The following RP1 variants were observed in gnomAD, a reference collection of about 807,000 sequenced individuals.
RP1 encodes the protein RP1 axonemal microtubule associated.
A neutral mutation model predicts 14.8 loss-of-function variants in RP1; 16 were observed. That is an observed-to-expected ratio of 1.08 (90% CI 0.73 to 1.65). RP1 has a LOEUF of 1.65. RP1 is among the 40% of genes most tolerant of loss of function. The pLI is 0.00. For synonymous variants in RP1, 876 were observed against 883.6 expected (o/e 0.99, Z 0.15); for missense variants, 2,631 against 2,535.0 (o/e 1.04, Z -0.81).
intron 1 of RP1, among the ~76,000 whole-genome samples, chr8:54,567,031 GC>G (rs1434846027): frequency 3.9e-5 from 6 of 152,156 alleles, no homozygotes; most frequent in African/African-American, 1.4e-4. Context: ...CAATTCACTT[GC>G]AAGTCCTGGC....
intron 22 of RP1, among the ~76,000 whole-genome samples, chr8:54,760,748 G>A (rs111521196): frequency 3.3e-5 from 5 of 152,148 alleles, no homozygotes; most frequent in African/African-American, 9.6e-5. Context: ...TTTGTCCCTC[G>A]GAGTGCTAGT....
intron 1 of RP1, among the ~76,000 whole-genome samples, chr8:54,559,772 G>A (rs1239757975): frequency 1.3e-5 from 2 of 152,270 alleles, no homozygotes; most frequent in East Asian, 3.9e-4. Context: ...AGGACTGGCT[G>A]GAGGCACAAA....
At chr8:54,692,214 C>T (rs1269866526) in intron 12 of RP1, among the ~76,000 whole-genome samples, 2 of 151,072 alleles carry the variant, frequency 1.3e-5, no homozygotes, top group South Asian at 2.1e-4. Context: ...TCCAGTCTAT[C>T]GTTGTTGGAC....
chr8:54,566,144 T>C (rs919261933), intron 1 of RP1, among the ~76,000 whole-genome samples: 1 of 152,188 alleles, frequency 6.6e-6, no homozygotes, highest in Non-Finnish European at 1.5e-5. Context: ...TTTTCAAATA[T>C]GGTCACATTC....
chr8:54,762,713 C>T (rs961485332), intron 22 of RP1, among the ~76,000 whole-genome samples: 7 of 152,142 alleles, frequency 4.6e-5, no homozygotes, highest in South Asian at 2.1e-4. Context: ...TGAAATATAT[C>T]CTTTTGCAGC....
chr8:54,624,754 A>G lies in RP1; in HGVS notation c.872A>G (p.Asp291Gly). The stretch of plus-strand genomic sequence containing the variant: ...ACACATAATAATGATTGCTACTTAG[A>G]CTATTCTTTTGTTCCTGAAAAGTAC... ...EKTHNNDCYL[D>G]YSFVPEKYLA... Residue 291 changes from aspartate to glycine, a missense_variant, in exon 4 of 4, where the codon GAC (aspartate) becomes GGC (glycine). Physicochemically the swap from Asp to Gly is moderately conservative, Grantham distance 94. Coordinates refer to ENST00000220676, the MANE Select transcript of RP1 (RefSeq NM_006269.2). 1 of 1,613,902 alleles carries G rather than the reference A, an allele frequency of 6.2e-7. No individual in the cohort carries two copies. Among genetic ancestry groups the G allele is most frequent in the Admixed American group, 1.7e-5 (1 of 60,016 alleles).
chr8:54,635,650 G>A (rs1344532210), downstream of RP1, among the ~76,000 whole-genome samples: 1 of 151,930 alleles, frequency 6.6e-6, no homozygotes, highest in Non-Finnish European at 1.5e-5. Context: ...GTCACCTTTG[G>A]CTTAGTTAAA....
At chr8:54,771,384 G>T (rs931482134), downstream of RP1, among the ~76,000 whole-genome samples, 1 of 151,978 alleles carries the variant, frequency 6.6e-6, no homozygotes, top group Non-Finnish European at 1.5e-5. Context: ...TTAAAATGAA[G>T]GTTATAATTA....
chr8:54,742,456 C>T (rs1437784318), intron 19 of RP1, among the ~76,000 whole-genome samples: 1 of 152,098 alleles, frequency 6.6e-6, no homozygotes, highest in Admixed American at 6.6e-5. Context: ...TTTCTTAGGA[C>T]ATGCCTATAT....
intron 24 of RP1, among the ~76,000 whole-genome samples, chr8:54,807,226 A>G (rs1483451315): frequency 1.3e-5 from 2 of 152,226 alleles, no homozygotes; most frequent in African/African-American, 2.4e-5. Context: ...GCCTTTCATT[A>G]TATATTGTTT....
At chr8:54,682,381 T>G (rs1252085452) in intron 12 of RP1, among the ~76,000 whole-genome samples, 2 of 152,108 alleles carry the variant, frequency 1.3e-5, no homozygotes, top group Admixed American at 6.6e-5. Flanking sequence ...TGTAAATTAG[T>G]TCAACCATTG....
At chr8:54,812,194 G>T (rs575986975) in intron 24 of RP1, among the ~76,000 whole-genome samples, 10 of 152,322 alleles carry the variant, frequency 6.6e-5, no homozygotes, top group African/African-American at 2.4e-4. Context: ...AGGCTGGAGT[G>T]CAGTGGTGTG....
chr8:54,579,652 T>C (rs976194461), intron 1 of RP1, among the ~76,000 whole-genome samples: 3 of 152,226 alleles, frequency 2.0e-5, no homozygotes, highest in Non-Finnish European at 4.4e-5. Context: ...TCCAGCATCT[T>C]TGAAACCACC....
At chr8:54,802,203 A>G (rs1217158156) in intron 24 of RP1, among the ~76,000 whole-genome samples, 2 of 152,212 alleles carry the variant, frequency 1.3e-5, no homozygotes, top group Non-Finnish European at 2.9e-5. Flanking sequence ...ACTTAGAGAC[A>G]TATTTAAGAA....
chr8:54,663,677 G>T (rs1563341215), intron 6 of RP1: 18 of 1,505,736 alleles, frequency 1.2e-5, no homozygotes, highest in Admixed American at 4.6e-5. Flanking sequence ...GGCACTGAAA[G>T]TTTTTTTTCT....
downstream of RP1, among the ~76,000 whole-genome samples, chr8:54,772,999 A>G (rs1809946759): frequency 6.6e-6 from 1 of 151,980 alleles, no homozygotes; most frequent in African/African-American, 2.4e-5. Context: ...TGGGTTTTTG[A>G]TAAGCTCCTT....
chr8:54,592,296 G>A (rs747602749), intron 1 of RP1, among the ~76,000 whole-genome samples: 30 of 152,182 alleles, frequency 2.0e-4, no homozygotes, highest in Non-Finnish European at 4.1e-4. Flanking sequence ...AGGTGCAATA[G>A]TAGGCTCCCT....
chr8:54,674,541 A>G (rs1346657203), intron 8 of RP1, among the ~76,000 whole-genome samples: 2 of 151,608 alleles, frequency 1.3e-5, no homozygotes, highest in Non-Finnish European at 2.9e-5. Flanking sequence ...AAAAAACCCA[A>G]ATGCATCAAA....
chr8:54,642,580 G>C (rs1430415060), intron 3 of RP1, among the ~76,000 whole-genome samples: 1 of 152,062 alleles, frequency 6.6e-6, no homozygotes, highest in East Asian at 1.9e-4. Context: ...AAATAGTTGT[G>C]TGTTGCACTG....
Sources: gnomAD v4.1 joint callset for allele counts (sites outside exome capture counted in the v4.1 genomes callset) on GRCh38, gnomAD v4.1.1 for gene constraint, MANE v1.5 for transcripts, NCBI Gene and HGNC (gene_info 2026-07-23, HGNC 2026-07-21) for gene names.